AHNAK: variants seen among roughly 807,000 people sequenced by gnomAD.
AHNAK encodes the protein neuroblast differentiation-associated protein AHNAK.
Under a neutral mutation model 37.8 loss-of-function variants are expected in AHNAK, and 23 were observed. The observed-to-expected ratio is 0.61, with a 90% CI of 0.44 to 0.86. The LOEUF is 0.86. Among genes scored for constraint, AHNAK ranks in the 40% least tolerant of loss-of-function variants. The probability of loss-of-function intolerance (pLI) is 0.00; values close to 1 mark genes in which losing one functional copy is unlikely to be tolerated. For missense variants in AHNAK, 7,411 were observed against 7,319.4 expected, an observed-to-expected ratio of 1.01 and a Z score of -0.46; for synonymous variants, 2,481 against 2,636.3, an observed-to-expected ratio of 0.94 and a Z score of 1.80.
Position 62,528,639 on chromosome 11 carries a change from A to G in AHNAK, c.5778T>C (p.Asp1926=). 6.2e-7 allele frequency: 1 copy of G among 1,610,370 alleles called. No individual in the cohort carries two copies. The highest frequency in any genetic ancestry group is 1.7e-5 in the Admixed American group (1 of 58,744). ...HFKAPKISMP[D]VDLHLKGPKV... The stretch of plus-strand genomic sequence containing the variant: ...TGGGGCCTTTCAAGTGTAAGTCCAC[A>G]TCAGGCATGGAGATCTTGGGGGCCT... The change falls in exon 5 of 5, where the codon GAT becomes GAC. Residue 1926 remains aspartate, a synonymous_variant. Coordinates refer to ENST00000378024, the MANE Select transcript of AHNAK (RefSeq NM_001620.3).
At chr11:62,513,171 G>A (rs1235432732), downstream of AHNAK, among the ~76,000 whole-genome samples, 1 of 152,148 alleles carries the variant, frequency 6.6e-6, no homozygotes, top group Non-Finnish European at 1.5e-5. Context: ...GTCTCCTGAC[G>A]CTGCTCTCAC....
intron 4 of AHNAK, among the ~76,000 whole-genome samples, chr11:62,503,283 G>A (rs573454763): frequency 6.6e-6 from 1 of 152,256 alleles, no homozygotes; most frequent in South Asian, 2.1e-4. Flanking sequence ...CTTCCCCTTC[G>A]GAAACTGTAA....
Position 62,516,722 on chromosome 11 carries a change from T to C in AHNAK, c.*22A>G, listed in dbSNP as rs772727395. 139 of 1,581,952 alleles carry C rather than the reference T, an allele frequency of 8.8e-5. No homozygotes were observed. The East Asian group carries it at 3.1e-3, about 35-fold the overall frequency. On this transcript the variant is annotated 3_prime_UTR_variant, in exon 5 of 5. Transcript: ENST00000378024. Reference sequence around the variant, plus strand: ...TGATGTTTTGTTATATATATATATATGTACACACATACAAAGGCCTGCTAC... The same window carrying C: ...TGATGTTTTGTTATATATATATATACGTACACACATACAAAGGCCTGCTAC...
chr11:62,524,201 G>A lies in AHNAK; in HGVS notation c.10216C>T (p.Pro3406Ser). Residue 3406 changes from proline (P) to serine (S), a missense_variant, in exon 5 of 5, where the codon CCT becomes TCT. Physicochemically the swap from Pro to Ser is moderately conservative, Grantham distance 74. Coordinates refer to ENST00000378024, the MANE Select transcript of AHNAK (RefSeq NM_001620.3). ...TTGGGAGATGAAATACTCAGGAAAG[G>A]CATTTTAAACTTGGATCCTTTCACT... ...GKVKGSKFKM[P>S]FLSISSPKVS... The A allele has an allele frequency of 6.2e-7, 1 of 1,613,178 alleles. No individual in the cohort carries two copies. Among genetic ancestry groups the A allele is most frequent in the Non-Finnish European group, 8.5e-7 (1 of 1,179,770 alleles).
In AHNAK at chr11:62,530,663, G is replaced by C. The variant is rs1214736863; in HGVS notation, c.3754C>G (p.Leu1252Val). ...GGCATTTTCATCTTGGGCATCTTCA[G>C]GTGCCAGTCTGGGCCTTGAACCTCC... ...DVEVQGPDWH[L>V]KMPKMKMPKF... The change falls in exon 5 of 5, where the codon CTG (leucine) becomes GTG (valine). Residue 1252 changes from leucine to valine, a missense_variant. Transcript: ENST00000378024. 3 of 1,613,434 alleles carry C rather than the reference G, an allele frequency of 1.9e-6. No individual in the cohort carries two copies. Among genetic ancestry groups the C allele is most frequent in the African/African-American group, 1.3e-5 (1 of 74,650 alleles).
At position 62,528,486 on chromosome 11, in the gene AHNAK, A is replaced by C. The variant is rs1940594761; in HGVS notation, c.5931T>G (p.Phe1977Leu). 2 of 1,612,944 alleles carry C rather than the reference A, an allele frequency of 1.2e-6. No homozygotes were observed. Among genetic ancestry groups the C allele is most frequent in the Non-Finnish European group, 1.7e-6 (2 of 1,179,828 alleles). ...TCTTGAAGTGCATCTCAGGCATCTT[A>C]AACTTGGGCCCTTTCAACTTTGCAT... ...CPDAKLKGPKFKMPEMHFKTP... is the reference protein window; with the variant it reads ...CPDAKLKGPKLKMPEMHFKTP... The change falls in exon 5 of 5, where the codon TTT becomes TTG. Residue 1977 changes from phenylalanine to leucine, a missense_variant. By Grantham distance (22) the Phe-to-Leu change is conservative (BLOSUM62 0). Transcript: ENST00000378024.
intron 4 of AHNAK, among the ~76,000 whole-genome samples, chr11:62,494,582 G>A (rs554571298): frequency 2.6e-5 from 4 of 152,128 alleles, no homozygotes; most frequent in South Asian, 4.1e-4. Flanking sequence ...AAGAGCCAGA[G>A]CTGGTCAGGC....
chr11:62,433,793 G>C (rs770900293), exon 6 of AHNAK: 42 of 1,567,248 alleles, frequency 2.7e-5, no homozygotes, highest in Non-Finnish European at 3.7e-5. Flanking sequence ...CCTTGGCACA[G>C]CAATATGTAA....
intron 5 of AHNAK, among the ~76,000 whole-genome samples, chr11:62,468,792 AAAC>A (rs1393279596): frequency 2.6e-5 from 4 of 152,194 alleles, no homozygotes; most frequent in African/African-American, 9.7e-5. Context: ...CTCTAGCTTA[AAAC>A]AAACAAAAAA....
intron 5 of AHNAK, among the ~76,000 whole-genome samples, chr11:62,443,903 C>T (rs550610642): frequency 1.3e-5 from 2 of 152,340 alleles, no homozygotes; most frequent in East Asian, 3.9e-4. Context: ...GCCTCCTGCC[C>T]CTGGCCAGCC....
rs781297356 is a variant in AHNAK, at chr11:62,522,117, A to G, written c.12300T>C (p.Thr4100=). ...DVSGPKVDID[T]PDIDIHGPEG... ...CTGGACCATGAATATCAATATCAGG[A>G]GTGTCAATGTCCACTTTGGGTCCTG... The change falls in exon 5 of 5, where the codon ACT becomes ACC. Residue 4100 remains threonine (T), a synonymous_variant. Coordinates refer to ENST00000378024, the MANE Select transcript of AHNAK (RefSeq NM_001620.3). 2.5e-6 allele frequency: 4 copies of G among 1,613,374 alleles called. No individual in the cohort carries two copies. Among genetic ancestry groups the G allele is most frequent in the Non-Finnish European group, 3.4e-6 (4 of 1,179,884 alleles).
In AHNAK at chr11:62,517,297, A is replaced by G. The variant is rs1303965754; in HGVS notation, c.17120T>C (p.Leu5707Pro). Residue 5707 changes from leucine to proline, a missense_variant, in exon 5 of 5, where the codon CTG becomes CCG. Physicochemically the swap from Leu to Pro is moderately conservative, Grantham distance 98. Transcript: ENST00000378024. ...GGGCATTTTGATCTTGGACTTTTTCAGTTTGACTTCAGACTCTTCCCACTC... is the reference window on the plus strand; with the variant it reads ...GGGCATTTTGATCTTGGACTTTTTCGGTTTGACTTCAGACTCTTCCCACTC... ...DGEWEESEVK[L>P]KKSKIKMPKF... 9 of 1,613,950 alleles carry G rather than the reference A, an allele frequency of 5.6e-6. No homozygotes were observed. The highest frequency in any genetic ancestry group is 6.8e-6 in the Non-Finnish European group (8 of 1,180,022).
intron 5 of AHNAK, among the ~76,000 whole-genome samples, chr11:62,441,702 A>G (rs530881797): frequency 7.5e-4 from 114 of 152,066 alleles, no homozygotes; most frequent in African/African-American, 2.5e-3. Context: ...GGGTTTCACC[A>G]TGTTGGCCAG....
downstream of AHNAK, chr11:62,515,851 G>C (rs1412882925): frequency 4.6e-6 from 5 of 1,093,302 alleles, no homozygotes; most frequent in Non-Finnish European, 5.6e-6. Context: ...TGGCTGTGCA[G>C]CTTCCCCAGG....
At position 62,529,600 on chromosome 11, in the gene AHNAK, C is replaced by T; in HGVS notation, c.4817G>A (p.Gly1606Glu). The T allele has an allele frequency of 6.2e-7, 1 of 1,614,156 alleles. No individual in the cohort carries two copies. The highest frequency in any genetic ancestry group is 8.5e-7 in the Non-Finnish European group (1 of 1,180,040). Residue 1606 changes from glycine to glutamate, a missense_variant, in exon 5 of 5, where the codon GGA (glycine) becomes GAA (glutamate). Gly to Glu is a moderately conservative substitution (Grantham distance 98). Coordinates refer to ENST00000378024, the MANE Select transcript of AHNAK (RefSeq NM_001620.3). ...DVDVSLPKVEGDLKGPEIDVK... is the reference protein window; with the variant it reads ...DVDVSLPKVEEDLKGPEIDVK... ...ATCAATTTCAGGACCCTTCAAGTCT[C>T]CTTCCACTTTGGGAAGGGAAACATC...
rs773254245 is a variant in AHNAK, at chr11:62,525,898, A to G, written c.8519T>C (p.Ile2840Thr). ...TTTTGGACCTGTGAGATTCAGGTCA[A>G]TATCTGGCATGGATATCTTTGGAGT... ...FKTPKISMPD[I>T]DLNLTGPKIK... The change falls in exon 5 of 5, where the codon ATT becomes ACT. Residue 2840 changes from isoleucine (I) to threonine (T), a missense_variant. Coordinates refer to ENST00000378024, the MANE Select transcript of AHNAK (RefSeq NM_001620.3). The G allele has an allele frequency of 4.3e-6, 7 of 1,614,212 alleles. No individual in the cohort carries two copies. In the South Asian group the frequency reaches 7.7e-5, roughly 18 times the overall value.
intron 5 of AHNAK, among the ~76,000 whole-genome samples, chr11:62,469,029 C>A (rs1279405859): frequency 6.6e-6 from 1 of 152,204 alleles, no homozygotes; most frequent in Non-Finnish European, 1.5e-5. Flanking sequence ...CGAGGTCTCA[C>A]TATTTTGCCC....
intron 1 of AHNAK, among the ~76,000 whole-genome samples, chr11:62,538,285 C>T (rs557672251): frequency 2.7e-4 from 41 of 152,320 alleles, no homozygotes; most frequent in Non-Finnish European, 3.8e-4. Context: ...TGAGTTCAGG[C>T]CTCCCGGCTG....
At position 62,533,091 on chromosome 11, in the gene AHNAK, T is replaced by A. The variant is rs1329345866; in HGVS notation, c.1326A>T (p.Ser442=). The change falls in exon 5 of 5, where the codon TCA becomes TCT. Residue 442 remains serine (S), a synonymous_variant. Coordinates refer to ENST00000378024, the MANE Select transcript of AHNAK (RefSeq NM_001620.3). ...PKMKVPKFSV[S]GAKGEETGID... ...TCCCAGTTTCCTCTCCCTTTGCACCTGATACAGAGAACTTGGGGACTTTCA... is the reference window on the plus strand; with the variant it reads ...TCCCAGTTTCCTCTCCCTTTGCACCAGATACAGAGAACTTGGGGACTTTCA... 3 of 1,596,528 alleles carry A rather than the reference T, an allele frequency of 1.9e-6. No homozygotes were observed. The highest frequency in any genetic ancestry group is 2.6e-6 in the Non-Finnish European group (3 of 1,173,510).
Sources: allele counts gnomAD v4.1 joint callset (sites outside exome capture counted in the v4.1 genomes callset), GRCh38; gene constraint gnomAD v4.1.1; transcripts MANE v1.5; gene names NCBI Gene and HGNC (gene_info 2026-07-23, HGNC 2026-07-21).